Variants in MRTFA observed in about 807,000 individuals in gnomAD.
The protein encoded by MRTFA is myocardin related transcription factor A.
Under a neutral mutation model 83.5 loss-of-function variants are expected in MRTFA, and 20 were observed. The observed-to-expected ratio is 0.24, with a 90% CI of 0.17 to 0.35. MRTFA has a LOEUF of 0.35. Among genes scored for constraint, MRTFA ranks in the 10% least tolerant of loss-of-function variants. The probability of loss-of-function intolerance (pLI) is 1.00; values close to 1 mark genes in which losing one functional copy is unlikely to be tolerated. For synonymous variants in MRTFA, 659 were observed against 541.2 expected (o/e 1.22, Z -3.02); for missense variants, 1,200 against 1,224.7 (o/e 0.98, Z 0.30).
intron 3 of MRTFA, among the ~76,000 whole-genome samples, chr22:40,507,131 A>C (rs1014578105): frequency 4.6e-5 from 7 of 152,162 alleles, no homozygotes; most frequent in African/African-American, 1.7e-4. Flanking sequence ...GAGACCAGGC[A>C]AGTGGATCAC....
At chr22:40,430,890 A>AG (rs1188208013) in intron 6 of MRTFA, among the ~76,000 whole-genome samples, 11 of 150,422 alleles carry the variant, frequency 7.3e-5, no homozygotes, top group Admixed American at 1.3e-4. Context: ...AAGCGGGGGA[A>AG]GAAAAAAAAA....
At chr22:40,590,680 G>GA (rs56366993) in intron 2 of MRTFA, among the ~76,000 whole-genome samples, 14,113 of 81,360 alleles carry the variant, frequency 0.17, 745 homozygotes, top group East Asian at 0.33. Context: ...CTCAAAAAAA[G>GA]AAAAAAAAAA....
At chr22:40,557,759 C>T (rs73169026) in intron 2 of MRTFA, among the ~76,000 whole-genome samples, 13,532 of 151,820 alleles carry the variant, frequency 0.089, 780 homozygotes, top group East Asian at 0.25. Context: ...TTTTAGATGT[C>T]TTGGCAAAAA....
chr22:40,593,538 T>A (rs1419838343), intron 2 of MRTFA, among the ~76,000 whole-genome samples: 1 of 152,140 alleles, frequency 6.6e-6, no homozygotes, highest in Admixed American at 6.5e-5. Flanking sequence ...ACCACACAGA[T>A]CACACCCAGA....
chr22:40,524,190 G>C (rs1481298725), intron 3 of MRTFA, among the ~76,000 whole-genome samples: 7 of 152,156 alleles, frequency 4.6e-5, no homozygotes, highest in African/African-American at 1.7e-4. Context: ...AGCTACTCAG[G>C]AATCTGTGGT....
intron 3 of MRTFA, among the ~76,000 whole-genome samples, chr22:40,527,407 C>T (rs1474837807): frequency 6.6e-6 from 1 of 151,048 alleles, no homozygotes; most frequent in African/African-American, 2.4e-5. Context: ...TCATTGATGG[C>T]AGAGTGGTTT....
chr22:40,539,003 T>G (rs2055240244), intron 3 of MRTFA, among the ~76,000 whole-genome samples: 1 of 145,872 alleles, frequency 6.9e-6, no homozygotes, highest in South Asian at 2.2e-4. Context: ...TTTTTTTTTT[T>G]TTTTTTTTTG....
intron 3 of MRTFA, among the ~76,000 whole-genome samples, chr22:40,505,338 T>C (rs2054563305): frequency 6.6e-6 from 1 of 152,252 alleles, no homozygotes; most frequent in Non-Finnish European, 1.5e-5. Context: ...AGAGACTACA[T>C]GGCTTAATAG....
chr22:40,530,393 T>G (rs2055057256), intron 3 of MRTFA, among the ~76,000 whole-genome samples: 2 of 152,110 alleles, frequency 1.3e-5, no homozygotes, highest in South Asian at 2.1e-4. Flanking sequence ...GCCTCCCAGG[T>G]TCAAGCAATT....
chr22:40,626,715 C>T (rs747461000), intron 1 of MRTFA, among the ~76,000 whole-genome samples: 24 of 152,092 alleles, frequency 1.6e-4, no homozygotes, highest in Non-Finnish European at 3.1e-4. Flanking sequence ...AACACAAAGC[C>T]AGGGCCAGGC....
At chr22:40,605,437 T>C (rs917181366) in intron 1 of MRTFA, among the ~76,000 whole-genome samples, 3 of 151,632 alleles carry the variant, frequency 2.0e-5, no homozygotes, top group African/African-American at 7.3e-5. Flanking sequence ...CTGAAGGGAG[T>C]GGGATGCCAG....
chr22:40,430,978 C>A (rs1246119873), intron 6 of MRTFA, among the ~76,000 whole-genome samples: 1 of 151,230 alleles, frequency 6.6e-6, no homozygotes, highest in East Asian at 1.9e-4. Flanking sequence ...ATCACAGACA[C>A]TCAAGTGAAT....
chr22:40,468,395 G>A (rs2053844690), intron 3 of MRTFA, among the ~76,000 whole-genome samples: 1 of 152,076 alleles, frequency 6.6e-6, no homozygotes, highest in Non-Finnish European at 1.5e-5. Context: ...TATAAATTAT[G>A]AGGAAGTAGA....
In MRTFA at chr22:40,411,634, G is replaced by A. The variant is rs146731409; in HGVS notation, c.2852C>T (p.Thr951Ile). 6 of 1,613,370 alleles carry A rather than the reference G, an allele frequency of 3.7e-6. No individual in the cohort carries two copies. The highest frequency in any genetic ancestry group is 4.2e-6 in the Non-Finnish European group (5 of 1,179,956). The stretch of plus-strand genomic sequence containing the variant: ...TGACGGGGGGTGGTCCAGGATGGCA[G>A]TGCTGCTCAGCATCTGGCTATGGAG... Residue 951 changes from threonine (T) to isoleucine (I), a missense_variant, in exon 15 of 15, where the codon ACT becomes ATT. Thr to Ile is a moderately conservative substitution (Grantham distance 89). Transcript: ENST00000355630.
chr22:40,519,683 A>G (rs548975623), intron 3 of MRTFA: 1 of 1,097,828 alleles, frequency 9.1e-7, no homozygotes, highest in East Asian at 4.6e-5. Flanking sequence ...AAATGTTATA[A>G]CAATCACACC....
intron 1 of MRTFA, among the ~76,000 whole-genome samples, chr22:40,630,936 G>C (rs1256693235): frequency 6.6e-6 from 1 of 152,124 alleles, no homozygotes; most frequent in African/African-American, 2.4e-5. Context: ...CTCATTCTAG[G>C]TATTTTTATT....
At chr22:40,480,221 A>T (rs541648050) in intron 3 of MRTFA, among the ~76,000 whole-genome samples, 1 of 152,234 alleles carries the variant, frequency 6.6e-6, no homozygotes, top group African/African-American at 2.4e-5. Context: ...GTATAGCCTG[A>T]ATCTTCAATC....
intron 3 of MRTFA, among the ~76,000 whole-genome samples, chr22:40,509,398 A>T (rs979546327): frequency 1.3e-5 from 2 of 152,266 alleles, no homozygotes; most frequent in South Asian, 2.1e-4. Flanking sequence ...TTTGTCAAAA[A>T]TATCCCTGTT....
intron 3 of MRTFA, among the ~76,000 whole-genome samples, chr22:40,465,133 C>G (rs1269361340): frequency 1.3e-5 from 2 of 152,212 alleles, no homozygotes; most frequent in Admixed American, 1.3e-4. Flanking sequence ...CATTCAGTTA[C>G]TCTAGGCCTC....
Sources: allele counts gnomAD v4.1 joint callset (sites outside exome capture counted in the v4.1 genomes callset), GRCh38; gene constraint gnomAD v4.1.1; transcripts MANE v1.5; gene names NCBI Gene and HGNC (gene_info 2026-07-23, HGNC 2026-07-21).